The following COPG2 variants were observed in gnomAD, a reference collection of about 807,000 sequenced individuals.
COPG2 encodes coat protein complex I subunit gamma 2, also known as coatomer subunit gamma-2.
COPG2 carries 37 observed loss-of-function variants against 46.3 expected under a neutral mutation model. The observed-to-expected ratio is 0.80, with a 90% CI of 0.61 to 1.05. The LOEUF (loss-of-function observed/expected upper bound fraction) is 1.05, where lower values mean the gene tolerates loss of function less well. Among genes scored for constraint, COPG2 ranks in the 50% least tolerant of loss-of-function variants. COPG2 has a pLI of 0.00. For synonymous variants in COPG2, 159 were observed against 129.7 expected, an observed-to-expected ratio of 1.23 and a Z score of -1.53; for missense variants, 427 against 387.8, an observed-to-expected ratio of 1.10 and a Z score of -0.85.
intron 20 of COPG2, among the ~76,000 whole-genome samples, chr7:130,526,692 T>C (rs1164677429): frequency 6.6e-6 from 1 of 151,334 alleles, no homozygotes; most frequent in South Asian, 2.1e-4. Flanking sequence ...AGGTTCAGCA[T>C]GGGGAAGGGA....
At chr7:130,512,757 AAG>A in intron 20 of COPG2, among the ~76,000 whole-genome samples, 1 of 152,256 alleles carries the variant, frequency 6.6e-6, no homozygotes, top group South Asian at 2.1e-4. Flanking sequence ...AAAAAGAAAA[AAG>A]AGAGAGATGG....
intron 20 of COPG2, among the ~76,000 whole-genome samples, chr7:130,536,614 A>G (rs1383900587): frequency 2.0e-5 from 3 of 152,296 alleles, no homozygotes; most frequent in Admixed American, 1.3e-4. Context: ...GGAGAGCCGG[A>G]CAGACATGTA....
chr7:130,519,146 G>T (rs886733164), intron 20 of COPG2, among the ~76,000 whole-genome samples: 2 of 152,114 alleles, frequency 1.3e-5, no homozygotes, highest in African/African-American at 4.8e-5. Flanking sequence ...ACAGGGAAGG[G>T]TATAAGGAGG....
chr7:130,520,715 G>A (rs937584858), intron 20 of COPG2, among the ~76,000 whole-genome samples: 103 of 152,166 alleles, frequency 6.8e-4, no homozygotes, highest in Middle Eastern at 3.4e-3. Flanking sequence ...TAATATGAGC[G>A]GGACAATTCA....
At chr7:130,636,041 A>G (rs1475449075) in intron 5 of COPG2, among the ~76,000 whole-genome samples, 1 of 152,210 alleles carries the variant, frequency 6.6e-6, no homozygotes, top group African/African-American at 2.4e-5. Context: ...CCTGAATTCT[A>G]ATTGGATTGC....
chr7:130,627,825 T>C lies in COPG2; in HGVS notation c.324-10760A>G, dbSNP rs921218510. Among the ~76,000 whole-genome samples, 11 of 152,090 alleles carry C rather than the reference T, an allele frequency of 7.2e-5. No individual in the cohort carries two copies. In the East Asian group the frequency reaches 1.4e-3, roughly 19 times the overall value. On this transcript the variant is annotated intron_variant, in intron 5 of 23. Transcript: ENST00000425248. The stretch of plus-strand genomic sequence containing the variant: ...TGCGGTTCAGGGGAGGGATGAGGAA[T>C]TACCATACTGGCATTTGGCAGTTTT...
At chr7:130,540,008 T>C (rs1799920967) in intron 20 of COPG2, among the ~76,000 whole-genome samples, 2 of 151,824 alleles carry the variant, frequency 1.3e-5, no homozygotes, top group African/African-American at 2.4e-5. Context: ...GCCAGGGTCT[T>C]TGCTATGGAT....
intron 4 of COPG2, among the ~76,000 whole-genome samples, chr7:130,658,035 C>T (rs1554460140): frequency 6.6e-6 from 1 of 152,128 alleles, no homozygotes; most frequent in Non-Finnish European, 1.5e-5. Context: ...AGCAATCCCA[C>T]TCCCAGGCAT....
At chr7:130,513,680 C>T (rs1188074815) in intron 20 of COPG2, among the ~76,000 whole-genome samples, 1 of 152,000 alleles carries the variant, frequency 6.6e-6, no homozygotes, top group Non-Finnish European at 1.5e-5. Context: ...GGATTCTTGC[C>T]ATAGGCAGTG....
At chr7:130,641,857 C>A (rs1232718477) in intron 5 of COPG2, among the ~76,000 whole-genome samples, 5 of 152,220 alleles carry the variant, frequency 3.3e-5, no homozygotes, top group Admixed American at 2.6e-4. Context: ...CGAATCCACA[C>A]ATTATCGGCA....
chr7:130,509,125 T>G (rs1759987394), intron 20 of COPG2: 2 of 446,448 alleles, frequency 4.5e-6, no homozygotes, highest in Non-Finnish European at 8.8e-6. Flanking sequence ...TATCTTTAGA[T>G]TGTGGACTGA....
At chr7:130,628,001 T>C (rs184025655) in intron 5 of COPG2, among the ~76,000 whole-genome samples, 37 of 152,312 alleles carry the variant, frequency 2.4e-4, no homozygotes, top group Admixed American at 2.2e-3. Flanking sequence ...ACAGCCTTCA[T>C]TGTCTTCAAC....
At chr7:130,559,712 A>G (rs945387837) in intron 12 of COPG2, among the ~76,000 whole-genome samples, 1 of 152,228 alleles carries the variant, frequency 6.6e-6, no homozygotes, top group Non-Finnish European at 1.5e-5. Context: ...ACACGTCTTT[A>G]GCAAAAAACT....
intron 9 of COPG2, among the ~76,000 whole-genome samples, chr7:130,590,494 G>A (rs1554448643): frequency 6.6e-6 from 1 of 152,196 alleles, no homozygotes; most frequent in Non-Finnish European, 1.5e-5. Context: ...CTAACCGCGA[G>A]TGATCCGCCA....
intron 4 of COPG2, 119 bp downstream of exon 4, chr7:130,662,848 G>A: frequency 1.5e-6 from 1 of 662,456 alleles, no homozygotes; most frequent in Non-Finnish European, 2.7e-6. Context: ...AGTTTTATAA[G>A]CAGTTAAATA....
chr7:130,618,904 C>A (rs1794993234), intron 5 of COPG2, among the ~76,000 whole-genome samples: 1 of 152,052 alleles, frequency 6.6e-6, no homozygotes, highest in Non-Finnish European at 1.5e-5. Flanking sequence ...ATACCTTCAC[C>A]CAAGCTTCCT....
rs1165378943 is a variant in COPG2 at position 130,668,717 on chromosome 7, C to T, written c.-49G>A. On this transcript the variant is annotated 5_prime_UTR_variant, in exon 1 of 24. Coordinates refer to ENST00000425248, the MANE Select transcript of COPG2 (RefSeq NM_012133.6). ...GACCCACCGCAACCGTCCCAGGCGC[C>T]GCAGCCGGCGAGCGGAAGAGGCTGC... The T allele has an allele frequency of 2.0e-6, 3 of 1,506,024 alleles. No individual in the cohort carries two copies. The highest frequency in any genetic ancestry group is 1.8e-6 in the Non-Finnish European group (2 of 1,126,606). 93.3% of individuals were successfully genotyped at this position (1,506,024 alleles called of 1,614,324 possible).
chr7:130,525,490 C>A (rs1490099345), intron 20 of COPG2, among the ~76,000 whole-genome samples: 1 of 152,208 alleles, frequency 6.6e-6, no homozygotes, highest in South Asian at 2.1e-4. Flanking sequence ...AGGGACTTGG[C>A]AATGGACTCG....
intron 20 of COPG2, among the ~76,000 whole-genome samples, chr7:130,546,310 A>G (rs1793442595): frequency 1.3e-5 from 2 of 152,354 alleles, no homozygotes; most frequent in African/African-American, 4.8e-5. Context: ...TTTACTTAAG[A>G]GTACAGCCAG....
Sources: allele counts gnomAD v4.1 joint callset (sites outside exome capture counted in the v4.1 genomes callset), GRCh38; gene constraint gnomAD v4.1.1; transcripts MANE v1.5; gene names NCBI Gene and HGNC (gene_info 2026-07-23, HGNC 2026-07-21).